Variants in TAF2 observed in about 807,000 individuals in gnomAD.
TAF2 encodes the protein TATA-box binding protein associated factor 2.
Under a neutral mutation model 138.5 loss-of-function variants are expected in TAF2, and 61 were observed. The observed-to-expected ratio is 0.44, with a 90% confidence interval of 0.36 to 0.54. The LOEUF is 0.54. Ranked by LOEUF, TAF2 falls within the 20% of genes least tolerant of loss-of-function variation. TAF2 has a pLI of 0.00. For synonymous variants in TAF2, 475 were observed against 469.9 expected (o/e 1.01, Z -0.14); for missense variants, 1,090 against 1,427.9 (o/e 0.76, Z 3.81).
intron 7 of TAF2, 69 bp from the exon 8 acceptor site, chr8:119,797,172 A>C (rs2131190565): frequency 6.2e-6 from 7 of 1,135,112 alleles, no homozygotes; most frequent in Non-Finnish European, 9.1e-6. Flanking sequence ...AAAATAAAAT[A>C]ATTCCACTTT....
intron 23 of TAF2, chr8:119,744,685 C>T: frequency 2.3e-6 from 1 of 439,228 alleles, no homozygotes; most frequent in Non-Finnish European, 4.2e-6. Context: ...CATAGTTCCT[C>T]CCCCAAACAG....
At chr8:119,785,358 C>G in intron 14 of TAF2, 92 bp from the exon 15 acceptor site, 1 of 864,876 alleles carries the variant, frequency 1.2e-6, no homozygotes, top group Admixed American at 2.0e-5. Context: ...AAGTATTTCA[C>G]ACAACATTGA....
chr8:119,732,159 C>T lies in TAF2; in HGVS notation c.3365G>A (p.Ser1122Asn), dbSNP rs956749. The change falls in exon 26 of 26, where the codon AGT becomes AAT. Residue 1122 changes from serine to asparagine, a missense_variant. Transcript: ENST00000378164. ...TGGAGCGCTTGCCGCTGGATGCATA[C>T]TCATCTCCAAAGGTGCTTGTTCTTT... The part of the protein sequence containing the change: ...TGKEQAPLEM[S>N]MHPAASAPLS... 111,475 of 1,613,680 alleles carry T rather than the reference C, an allele frequency of 0.069. 5,010 individuals are homozygous for T. Among genetic ancestry groups the T allele is most frequent in the African/African-American group, 0.21 (15,420 of 74,982 alleles).
chr8:119,808,219 T>C (rs1011347547), intron 3 of TAF2, among the ~76,000 whole-genome samples: 5 of 152,232 alleles, frequency 3.3e-5, no homozygotes, highest in African/African-American at 9.6e-5. Flanking sequence ...TTGTTGACAA[T>C]GAACACTGAC....
In TAF2 at chr8:119,822,219, T is replaced by A. The variant is rs550647332; in HGVS notation, c.139-2713A>T. On this transcript the variant is annotated intron_variant, in intron 2 of 25. Coordinates refer to ENST00000378164, the MANE Select transcript of TAF2 (RefSeq NM_003184.4). Reference sequence around the variant, plus strand: ...TTTGATGAAGGCTCATACTCTTGCCTTTTTTTTTTCTTTTTTTTCAGAGAC... The same window carrying A: ...TTTGATGAAGGCTCATACTCTTGCCATTTTTTTTTCTTTTTTTTCAGAGAC... Among the ~76,000 whole-genome samples, 3 of 148,794 alleles carry A rather than the reference T, an allele frequency of 2.0e-5. No individual in the cohort carries two copies. The South Asian group carries it at 6.5e-4, about 32-fold the overall frequency.
At chr8:119,776,594 TAGG>T (rs1822262807) in intron 18 of TAF2, among the ~76,000 whole-genome samples, 1 of 138,778 alleles carries the variant, frequency 7.2e-6, no homozygotes, top group Non-Finnish European at 1.6e-5. Flanking sequence ...GAGGCTGAGG[TAGG>T]AGAATGGCGT....
At chr8:119,759,011 T>C (rs1820881019) in intron 20 of TAF2, among the ~76,000 whole-genome samples, 1 of 152,132 alleles carries the variant, frequency 6.6e-6, no homozygotes, top group Non-Finnish European at 1.5e-5. Flanking sequence ...AGTACTAACT[T>C]ATAAAATCTT....
At chr8:119,732,224 T>C in intron 25 of TAF2, 38 bp from the exon 26 acceptor site, 2 of 1,597,582 alleles carry the variant, frequency 1.3e-6, no homozygotes, top group Non-Finnish European at 1.7e-6. Flanking sequence ...TTCCTGCTGA[T>C]GATACGGAAA....
At chr8:119,753,487 C>T (rs1346261516) in intron 22 of TAF2, among the ~76,000 whole-genome samples, 1 of 152,124 alleles carries the variant, frequency 6.6e-6, no homozygotes, top group Non-Finnish European at 1.5e-5. Flanking sequence ...TCATGCCACT[C>T]CCATTGTTCA....
At chr8:119,749,623 G>T (rs1820212993) in intron 22 of TAF2, among the ~76,000 whole-genome samples, 1 of 152,208 alleles carries the variant, frequency 6.6e-6, no homozygotes, top group Admixed American at 6.5e-5. Flanking sequence ...CAAGTCAGCT[G>T]TCTGGGCTAT....
rs1298066968 is a variant in TAF2 at position 119,793,434 on chromosome 8, C to T, written c.1209G>A (p.Val403=). The change falls in exon 10 of 26, where the codon GTG becomes GTA. Residue 403 remains valine (V), a synonymous_variant. Transcript: ENST00000378164. Reference sequence around the variant, plus strand: ...CCCCACCAGTTTTTAGTTCATATGCCACTATTTTGTCTAGCTCCTAAAAAA... The same window carrying T: ...CCCCACCAGTTTTTAGTTCATATGCTACTATTTTGTCTAGCTCCTAAAAAA... ...HWIKEELDKI[V]AYELKTGGVL... The T allele has an allele frequency of 6.2e-7, 1 of 1,612,522 alleles. No homozygotes were observed. Among genetic ancestry groups the T allele is most frequent in the African/African-American group, 1.3e-5 (1 of 74,870 alleles).
At chr8:119,803,521 T>C (rs1824407858) in intron 5 of TAF2, among the ~76,000 whole-genome samples, 1 of 151,998 alleles carries the variant, frequency 6.6e-6, no homozygotes, top group Non-Finnish European at 1.5e-5. Context: ...TAAAACCCCA[T>C]CTGTACTAAA....
chr8:119,758,682 A>ATTTC (rs1459583696), intron 20 of TAF2, among the ~76,000 whole-genome samples: 1 of 152,134 alleles, frequency 6.6e-6, no homozygotes. Flanking sequence ...ATGACTAGCT[A>ATTTC]TTTCCATTCA....
At chr8:119,781,027 T>C (rs745975465) in intron 17 of TAF2, 26 bp downstream of exon 17, 18 of 1,601,104 alleles carry the variant, frequency 1.1e-5, no homozygotes, top group Non-Finnish European at 1.5e-5. Flanking sequence ...ATAAAAACCA[T>C]GAGAAAATTA....
rs1390925282 is a variant in TAF2, at chr8:119,733,147, C to T, written c.3338-961G>A. Among the ~76,000 whole-genome samples, 4 of 152,248 alleles carry T rather than the reference C, an allele frequency of 2.6e-5. No homozygotes were observed. The East Asian group carries it at 7.7e-4, about 29-fold the overall frequency. Reference sequence around the variant, plus strand: ...CCCCTCTGCGTATACCAAAGGATGACTCTATTTTCTTTGTGCCATCTGGAG... The same window carrying T: ...CCCCTCTGCGTATACCAAAGGATGATTCTATTTTCTTTGTGCCATCTGGAG... On this transcript the variant is annotated intron_variant, in intron 25 of 25. Transcript: ENST00000378164.
intron 6 of TAF2, among the ~76,000 whole-genome samples, chr8:119,799,411 G>T (rs1824078764): frequency 1.3e-5 from 2 of 151,946 alleles, no homozygotes; most frequent in African/African-American, 4.8e-5. Flanking sequence ...GTGGTGTTTG[G>T]TTTTTTGTCC....
intron 18 of TAF2, among the ~76,000 whole-genome samples, chr8:119,769,166 GGAA>G (rs1331490845): frequency 2.6e-5 from 4 of 152,110 alleles, no homozygotes; most frequent in African/African-American, 9.7e-5. Flanking sequence ...GCTCTTACCT[GGAA>G]GCACCACCTA....
intron 14 of TAF2, among the ~76,000 whole-genome samples, chr8:119,786,185 T>C (rs960367321): frequency 6.6e-6 from 1 of 152,120 alleles, no homozygotes; most frequent in African/African-American, 2.4e-5. Flanking sequence ...TTGTGTTAAA[T>C]AAGGGGTAAA....
At chr8:119,752,596 T>C (rs1469244583) in intron 22 of TAF2, among the ~76,000 whole-genome samples, 1 of 152,232 alleles carries the variant, frequency 6.6e-6, no homozygotes, top group Non-Finnish European at 1.5e-5. Context: ...TTAAAAGTCA[T>C]GAGTATCATT....
Sources: allele counts gnomAD v4.1 joint callset (sites outside exome capture counted in the v4.1 genomes callset), GRCh38; gene constraint gnomAD v4.1.1; transcripts MANE v1.5; gene names NCBI Gene and HGNC (gene_info 2026-07-23, HGNC 2026-07-21).